The following CD101 variants were observed in gnomAD, a reference collection of about 807,000 sequenced individuals.
CD101 encodes the protein immunoglobulin superfamily member 2.
A neutral mutation model predicts 98.2 loss-of-function variants in CD101; 76 were observed. The ratio of observed to expected loss-of-function variants is 0.77; its 90% CI spans 0.64 to 0.94. The LOEUF is 0.94. Ranked by LOEUF, CD101 falls within the 40% of genes least tolerant of loss-of-function variation. CD101 has a pLI of 0.00. For synonymous variants in CD101, 471 were observed against 472.7 expected (o/e 1.00, Z 0.05); for missense variants, 1,145 against 1,218.8 (o/e 0.94, Z 0.90).
At position 117,023,062 on chromosome 1, in the gene CD101, C is replaced by A. The variant is rs1021758060; in HGVS notation, c.2428+1079C>A. ...TAACTCTGAGATTTTGTGCTTAGCC[C>A]TGATCTCCTGAGCTCCAAGCCTTCA... On this transcript the variant is annotated intron_variant, in intron 7 of 9. Coordinates refer to ENST00000682167, the MANE Select transcript of CD101 (RefSeq NM_001256106.3). The surrounding 1 kb of genome is among the most constrained non-coding windows in gnomAD (Gnocchi z 4.4). Among the ~76,000 whole-genome samples the A allele has an allele frequency of 6.6e-5, 10 of 152,202 alleles. No homozygotes were observed. The highest frequency in any genetic ancestry group is 2.4e-4 in the African/African-American group (10 of 41,446).
Position 117,026,728 on chromosome 1 carries a change from A to G in CD101, c.2824+824A>G, listed in dbSNP as rs555870261. 3 of 152,356 alleles carry G rather than the reference A, an allele frequency of 2.0e-5. No homozygotes were observed. In the South Asian group the frequency reaches 6.2e-4, roughly 32 times the overall value. 9.4% of individuals were successfully genotyped at this position (152,356 alleles called of 1,614,324 possible). On this transcript the variant is annotated intron_variant, in intron 8 of 9. Transcript: ENST00000682167. Reference sequence around the variant, plus strand: ...GCAGATGGGATCCTTCATAGCATACATATTGTTAATCTTTGTGAGATCCTT... The same window carrying G: ...GCAGATGGGATCCTTCATAGCATACGTATTGTTAATCTTTGTGAGATCCTT...
rs1653731486 is a variant in CD101 at position 117,023,919 on chromosome 1, G to C, written c.2429-1590G>C. Among the ~76,000 whole-genome samples, 1 of 152,142 alleles carries C rather than the reference G, an allele frequency of 6.6e-6. No individual in the cohort carries two copies. Among genetic ancestry groups the C allele is most frequent in the African/African-American group, 2.4e-5 (1 of 41,432 alleles). On this transcript the variant is annotated intron_variant, in intron 7 of 9. Coordinates refer to ENST00000682167, the MANE Select transcript of CD101 (RefSeq NM_001256106.3). This position sits in a 1 kb window ranked among gnomAD's most constrained non-coding sequence, Gnocchi z 4.4. ...AGAAGTCAATTTCAAGGAGAAATTG[G>C]ACTCCAGTAACAAAAACCACATAGA...
At chr1:117,003,872 A>C (rs1009286283) in intron 1 of CD101, among the ~76,000 whole-genome samples, 1 of 152,252 alleles carries the variant, frequency 6.6e-6, no homozygotes, top group Non-Finnish European at 1.5e-5. Context: ...AAAAAGCTTT[A>C]GAAGTCTGCT....
chr1:117,002,349 GAAGTGGAA>G (rs1652277519), intron 1 of CD101, among the ~76,000 whole-genome samples: 7 of 152,236 alleles, frequency 4.6e-5, no homozygotes, highest in Non-Finnish European at 1.0e-4. Context: ...CCTGCGAGTG[GAAGTGGAA>G]ATTGACTACT....
rs1338637246 is a variant in CD101 at position 117,005,909 on chromosome 1, G to T, written c.44-3941G>T. Among the ~76,000 whole-genome samples, 2 of 151,786 alleles carry T rather than the reference G, an allele frequency of 1.3e-5. No homozygotes were observed. The highest frequency in any genetic ancestry group is 1.5e-5 in the Non-Finnish European group (1 of 67,918). Reference sequence around the variant, plus strand: ...GGATTCGATTACAAATATTTTCAAAGGGTTAAAGTCTATTTAACCCTTTGA... The same window carrying T: ...GGATTCGATTACAAATATTTTCAAATGGTTAAAGTCTATTTAACCCTTTGA... On this transcript the variant is annotated intron_variant, in intron 1 of 9. Transcript: ENST00000682167. This position sits in a 1 kb window ranked among gnomAD's most constrained non-coding sequence, Gnocchi z 4.4.
Position 117,007,640 on chromosome 1 carries a change from G to T in CD101, c.44-2210G>T, listed in dbSNP as rs111965281. 9.9e-3 allele frequency among the ~76,000 whole-genome samples: 1,511 copies of T among 152,200 alleles called. 26 individuals are homozygous for T. The highest frequency in any genetic ancestry group is 0.035 in the African/African-American group (1,434 of 41,518). On this transcript the variant is annotated intron_variant, in intron 1 of 9. Coordinates refer to ENST00000682167, the MANE Select transcript of CD101 (RefSeq NM_001256106.3). ...TAGGATTACAGGCATGAGCCACCTC[G>T]CCTGGTCATTTCCTGCCTTTTTGCT...
In CD101 at chr1:117,022,750, AGCATTACTATGTGTTAG is replaced by A. The variant is rs1280371549; in HGVS notation, c.2428+771_2428+787del. ...CTAAAAAAAAATTAGATGATAATTG[AGCATTACTATGTGTTAG>A]GCAGTGGAATACAAAGATAAAGAAG... is the stretch of plus-strand genomic sequence containing the variant. On this transcript the variant is annotated intron_variant, in intron 7 of 9. Coordinates refer to ENST00000682167, the MANE Select transcript of CD101 (RefSeq NM_001256106.3). This position sits in a 1 kb window ranked among gnomAD's most constrained non-coding sequence, Gnocchi z 4.8. Among the ~76,000 whole-genome samples, 3 of 152,214 alleles carry A rather than the reference AGCATTACTATGTGTTAG, an allele frequency of 2.0e-5. No homozygotes were observed. Among genetic ancestry groups the A allele is most frequent in the African/African-American group, 7.2e-5 (3 of 41,456 alleles).
rs1479942222 is a variant in CD101, at chr1:117,021,394, C to T, written c.2018-179C>T. 1.3e-5 allele frequency among the ~76,000 whole-genome samples: 2 copies of T among 152,190 alleles called. No homozygotes were observed. Among genetic ancestry groups the T allele is most frequent in the Admixed American group, 1.3e-4 (2 of 15,282 alleles). On this transcript the variant is annotated intron_variant, in intron 6 of 9. Transcript: ENST00000682167. The surrounding 1 kb of genome is among the most constrained non-coding windows in gnomAD (Gnocchi z 4.7). ...CAGAGCTGTCCAGAGATGAAATGGG[C>T]TGCCTTGTCAGCTAGTGATGCTGTT...
In CD101 at chr1:117,018,689, C is replaced by A; in HGVS notation, c.2017+129C>A. The A allele has an allele frequency of 1.2e-6, 1 of 856,686 alleles. No homozygotes were observed. Among genetic ancestry groups the A allele is most frequent in the Non-Finnish European group, 1.7e-6 (1 of 571,800 alleles). 53.1% of individuals were successfully genotyped at this position (856,686 alleles called of 1,614,324 possible). On this transcript the variant is annotated intron_variant, in intron 6 of 9. Coordinates refer to ENST00000682167, the MANE Select transcript of CD101 (RefSeq NM_001256106.3). This position sits in a 1 kb window ranked among gnomAD's most constrained non-coding sequence, Gnocchi z 4.3. ...ATTTGTTCTATCTAAGTAAGCACCA[C>A]ATGATGAATGATACCCAGGTTAACA...
Position 117,006,423 on chromosome 1 carries a change from A to G in CD101, c.44-3427A>G, listed in dbSNP as rs1169675489. On this transcript the variant is annotated intron_variant, in intron 1 of 9. Coordinates refer to ENST00000682167, the MANE Select transcript of CD101 (RefSeq NM_001256106.3). The surrounding 1 kb of genome is among the most constrained non-coding windows in gnomAD (Gnocchi z 4.4). Reference sequence around the variant, plus strand: ...ACTTTCAGTGGATTCCCCATTGCCAATGAATCAAGTCCAAACTTTTAAATG... The same window carrying G: ...ACTTTCAGTGGATTCCCCATTGCCAGTGAATCAAGTCCAAACTTTTAAATG... Among the ~76,000 whole-genome samples, 1 of 152,178 alleles carries G rather than the reference A, an allele frequency of 6.6e-6. No individual in the cohort carries two copies. Among genetic ancestry groups the G allele is most frequent in the Non-Finnish European group, 1.5e-5 (1 of 68,042 alleles).
chr1:117,024,053 A>G (rs1409418569), intron 7 of CD101, among the ~76,000 whole-genome samples: 1 of 152,246 alleles, frequency 6.6e-6, no homozygotes, highest in Non-Finnish European at 1.5e-5. Context: ...AATTTGAGAC[A>G]AGGAAACAGC....
In CD101 at chr1:117,025,498, T is replaced by G. The variant is rs1653852584; in HGVS notation, c.2429-11T>G. 1.2e-5 allele frequency: 18 copies of G among 1,515,102 alleles called. No individual in the cohort carries two copies. The highest frequency in any genetic ancestry group is 1.6e-5 in the Non-Finnish European group (18 of 1,136,342). The allele number at this position is 1,515,102 out of a possible 1,614,324, so 93.9% of individuals were successfully genotyped here. ...CTGCATTCTCTAATTTACTGCCATT[T>G]TATTTTCTAGGAAGTAAGGTACGTG... On this transcript the variant is annotated splice_polypyrimidine_tract_variant and intron_variant, in intron 7 of 9. Transcript: ENST00000682167.
Position 117,004,545 on chromosome 1 carries a change from C to T in CD101, c.43+2685C>T, listed in dbSNP as rs530963675. Among the ~76,000 whole-genome samples, 2 of 152,200 alleles carry T rather than the reference C, an allele frequency of 1.3e-5. No homozygotes were observed. The highest frequency in any genetic ancestry group is 2.4e-5 in the African/African-American group (1 of 41,520). On this transcript the variant is annotated intron_variant, in intron 1 of 9. Transcript: ENST00000682167. The surrounding 1 kb of genome is among the most constrained non-coding windows in gnomAD (Gnocchi z 4.1). ...TAGTATGTCAGTGCCAAGCTTTGTA[C>T]TCATCAGCCAACAAGAATATGAGCT...
chr1:117,035,549 CTTT>C (rs11337228), intron 9 of CD101, among the ~76,000 whole-genome samples: 12 of 136,626 alleles, frequency 8.8e-5, no homozygotes, highest in African/African-American at 1.3e-4. Context: ...GAAATGAAGA[CTTT>C]TTTTTTTTTT....
intron 5 of CD101, 46 bp downstream of exon 5, chr1:117,017,519 T>C: frequency 6.4e-7 from 1 of 1,554,098 alleles, no homozygotes; most frequent in Non-Finnish European, 8.7e-7. Context: ...TATCACTCAA[T>C]TCATTCTGCA....
At position 117,004,789 on chromosome 1, in the gene CD101, A is replaced by G. The variant is rs1487719890; in HGVS notation, c.43+2929A>G. Among the ~76,000 whole-genome samples, 1 of 148,714 alleles carries G rather than the reference A, an allele frequency of 6.7e-6. No individual in the cohort carries two copies. The highest frequency in any genetic ancestry group is 2.0e-4 in the East Asian group (1 of 5,044). On this transcript the variant is annotated intron_variant, in intron 1 of 9. Coordinates refer to ENST00000682167, the MANE Select transcript of CD101 (RefSeq NM_001256106.3). The surrounding 1 kb of genome is among the most constrained non-coding windows in gnomAD (Gnocchi z 4.1). ...TGAAAAATACCTTTGAAATCTCCAC[A>G]CTATTTCTTTCACTTTTCTCAGAAA...
At chr1:117,009,159 A>G (rs1652723747) in intron 1 of CD101, among the ~76,000 whole-genome samples, 1 of 152,258 alleles carries the variant, frequency 6.6e-6, no homozygotes, top group Non-Finnish European at 1.5e-5. Flanking sequence ...TTTGGTAAGA[A>G]AAAAGCTAAA....
chr1:117,025,089 G>A (rs1438044650), intron 7 of CD101, among the ~76,000 whole-genome samples: 6 of 152,176 alleles, frequency 3.9e-5, no homozygotes, highest in South Asian at 4.1e-4. Context: ...GTGGCTGGAC[G>A]TGGTGGCTCA....
At chr1:117,029,221 GAAAGA>G in intron 8 of CD101, among the ~76,000 whole-genome samples, 1 of 40,866 alleles carries the variant, frequency 2.4e-5, no homozygotes, top group East Asian at 5.7e-4. Context: ...AGAAAAGAAA[GAAAGA>G]AAGAAAGAAA....
Sources: gnomAD v4.1 joint callset for allele counts (sites outside exome capture counted in the v4.1 genomes callset) on GRCh38, gnomAD v4.1.1 for gene constraint, Gnocchi (gnomAD v3.1) non-coding constraint, MANE v1.5 for transcripts, NCBI Gene and HGNC (gene_info 2026-07-23, HGNC 2026-07-21) for gene names.